The following TMEM18 variants were observed in gnomAD, a reference collection of about 807,000 sequenced individuals.
TMEM18 encodes transmembrane protein 18.
In TMEM18, 14 loss-of-function variants were observed where a neutral mutation model predicts 17.4. The ratio of observed to expected loss-of-function variants is 0.80; its 90% CI spans 0.53 to 1.25. The LOEUF is 1.25. Among genes scored for constraint, TMEM18 ranks in the 50% most tolerant of loss-of-function variants. The pLI is 0.00. For synonymous variants in TMEM18, 86 were observed against 66.1 expected, an observed-to-expected ratio of 1.30 and a Z score of -1.46; for missense variants, 187 against 172.1, an observed-to-expected ratio of 1.09 and a Z score of -0.48.
chr2:665,013 C>T lies in TMEM18; in HGVS notation c.*4567G>A, dbSNP rs1678641521. 6.6e-6 allele frequency among the ~76,000 whole-genome samples: 1 copy of T among 152,172 alleles called. No individual in the cohort carries two copies. The highest frequency in any genetic ancestry group is 2.4e-5 in the African/African-American group (1 of 41,434). ...ACAGAAAAAAGGGGCAGCAAATTGA[C>T]ACTTAACAATTTTCTCCTGTTCCAA... On this transcript the variant is annotated 3_prime_UTR_variant, in exon 5 of 5. Transcript: ENST00000281017.
chr2:667,358 G>T lies in TMEM18; in HGVS notation c.*2222C>A, dbSNP rs1678722358. On this transcript the variant is annotated 3_prime_UTR_variant, in exon 5 of 5. Coordinates refer to ENST00000281017, the MANE Select transcript of TMEM18 (RefSeq NM_152834.4). ...CATATTATTAAAGATGTATTTTATT[G>T]CATAGCAATCGATAAACGTAAGGTG... 6.6e-6 allele frequency: 1 copy of T among 151,952 alleles called. No homozygotes were observed. The highest frequency in any genetic ancestry group is 2.4e-5 in the African/African-American group (1 of 41,348). The allele number at this position is 151,952 out of a possible 1,614,324, so 9.4% of individuals were successfully genotyped here.
At chr2:670,602 G>A (rs1678815938) in intron 3 of TMEM18, 2 of 152,512 alleles carry the variant, frequency 1.3e-5, no homozygotes, top group Non-Finnish European at 1.5e-5. Context: ...CATGAGCATG[G>A]GGCTCCCGCC....
rs908983637 is a variant in TMEM18, at chr2:666,394, A to G, written c.*3186T>C. Among the ~76,000 whole-genome samples, 3 of 152,116 alleles carry G rather than the reference A, an allele frequency of 2.0e-5. No individual in the cohort carries two copies. The highest frequency in any genetic ancestry group is 4.4e-5 in the Non-Finnish European group (3 of 68,000). ...AATTTCTAATGACAGCATGATTCGG[A>G]GACTATAATAGCTACACCTTCCCCC... On this transcript the variant is annotated 3_prime_UTR_variant, in exon 5 of 5. Transcript: ENST00000281017.
chr2:669,736 C>A, intron 4 of TMEM18, 21 bp downstream of exon 4: 2 of 1,613,976 alleles, frequency 1.2e-6, no homozygotes, highest in Non-Finnish European at 1.7e-6. Context: ...AGAAAGACAA[C>A]TGAAAGTGTC....
chr2:665,195 C>T lies in TMEM18; in HGVS notation c.*4385G>A, dbSNP rs1389612246. ...GATGGAGCATCACTCCCACATACAA[C>T]AGAACCCAGAGATGCAGATGCCCCA... On this transcript the variant is annotated 3_prime_UTR_variant, in exon 5 of 5. Coordinates refer to ENST00000281017, the MANE Select transcript of TMEM18 (RefSeq NM_152834.4). 1.3e-5 allele frequency among the ~76,000 whole-genome samples: 2 copies of T among 152,052 alleles called. No homozygotes were observed. Among genetic ancestry groups the T allele is most frequent in the African/African-American group, 4.8e-5 (2 of 41,380 alleles).
intron 1 of TMEM18, chr2:676,482 T>TGG: frequency 1.1e-6 from 1 of 923,556 alleles, no homozygotes; most frequent in Non-Finnish European, 1.5e-6. Context: ...AACTCCTGTG[T>TGG]CACTACTCTC....
rs1678638128 is a variant in TMEM18 at position 664,897 on chromosome 2, T to A, written c.*4683A>T. 6.6e-6 allele frequency among the ~76,000 whole-genome samples: 1 copy of A among 152,182 alleles called. No homozygotes were observed. Among genetic ancestry groups the A allele is most frequent in the African/African-American group, 2.4e-5 (1 of 41,444 alleles). ...GTAAATTCAGCCTATACCCCTACAA[T>A]GTGTTTACTATGCAGGCATTGAAAA... On this transcript the variant is annotated 3_prime_UTR_variant, in exon 5 of 5. Transcript: ENST00000281017.
Position 666,253 on chromosome 2 carries a change from G to A in TMEM18, c.*3327C>T, listed in dbSNP as rs1400086569. Among the ~76,000 whole-genome samples the A allele has an allele frequency of 6.6e-6, 1 of 152,222 alleles. No individual in the cohort carries two copies. ...TACAGAGCAGACCCTATGGCCACAT[G>A]CTTGGACTTAGGCCTCTGCTTGGCT... On this transcript the variant is annotated 3_prime_UTR_variant, in exon 5 of 5. Transcript: ENST00000281017.
rs1387190850 is a variant in TMEM18, at chr2:676,758, G to T, written c.57+531C>A. ...TCCTCCGTGCCACCCCACACGATCA[G>T]GCTCCACCACGCACGCCCCGCCGCA... On this transcript the variant is annotated intron_variant, in intron 1 of 4. Transcript: ENST00000281017. 6.0e-6 allele frequency: 6 copies of T among 992,824 alleles called. No individual in the cohort carries two copies. The East Asian group carries it at 1.6e-4, about 26-fold the overall frequency. The allele number at this position is 992,824 out of a possible 1,614,324, so 61.5% of individuals were successfully genotyped here. A position where few individuals can be genotyped will look rare whatever the true frequency, so the allele number is the denominator to read the frequency against.
In TMEM18 at chr2:667,376, G is replaced by T. The variant is rs189156551; in HGVS notation, c.*2204C>A. 1 of 152,042 alleles carries T rather than the reference G, an allele frequency of 6.6e-6. No individual in the cohort carries two copies. The highest frequency in any genetic ancestry group is 1.5e-5 in the Non-Finnish European group (1 of 68,000). 9.4% of individuals were successfully genotyped at this position (152,042 alleles called of 1,614,324 possible). A position where few individuals can be genotyped will look rare whatever the true frequency, so the allele number is the denominator to read the frequency against. ...TTTTATTGCATAGCAATCGATAAAC[G>T]TAAGGTGTCACAGGTTTGGAATGTG... On this transcript the variant is annotated 3_prime_UTR_variant, in exon 5 of 5. Coordinates refer to ENST00000281017, the MANE Select transcript of TMEM18 (RefSeq NM_152834.4).
At position 665,890 on chromosome 2, in the gene TMEM18, A is replaced by G. The variant is rs1381711415; in HGVS notation, c.*3690T>C. 6.6e-6 allele frequency among the ~76,000 whole-genome samples: 1 copy of G among 152,084 alleles called. No homozygotes were observed. Among genetic ancestry groups the G allele is most frequent in the Non-Finnish European group, 1.5e-5 (1 of 68,014 alleles). On this transcript the variant is annotated 3_prime_UTR_variant, in exon 5 of 5. Coordinates refer to ENST00000281017, the MANE Select transcript of TMEM18 (RefSeq NM_152834.4). ...AGATGGAGCATCAACCCCACACACA[A>G]CAGGACTCATGGAGGCAGTCACCCA...
chr2:671,896 G>A (rs575566219), intron 3 of TMEM18, among the ~76,000 whole-genome samples: 5 of 152,282 alleles, frequency 3.3e-5, no homozygotes, highest in Admixed American at 1.3e-4. Context: ...CCAGTGAGCC[G>A]CTTATGGCTA....
chr2:665,239 C>T lies in TMEM18; in HGVS notation c.*4341G>A, dbSNP rs1347009176. Among the ~76,000 whole-genome samples the T allele has an allele frequency of 6.6e-6, 1 of 152,002 alleles. No homozygotes were observed. Among genetic ancestry groups the T allele is most frequent in the Non-Finnish European group, 1.5e-5 (1 of 67,990 alleles). On this transcript the variant is annotated 3_prime_UTR_variant, in exon 5 of 5. Transcript: ENST00000281017. Reference sequence around the variant, plus strand: ...TGCCCCACTCACTCCGATAGAGAATCAACCCCATATACAACAGGATCCAGA... The same window carrying T: ...TGCCCCACTCACTCCGATAGAGAATTAACCCCATATACAACAGGATCCAGA...
chr2:674,139 G>A (rs755445571), intron 2 of TMEM18, among the ~76,000 whole-genome samples: 36 of 152,214 alleles, frequency 2.4e-4, no homozygotes, highest in Non-Finnish European at 4.7e-4. Context: ...CACAGGAAAT[G>A]TAATGGCAGG....
At chr2:677,146 C>T in intron 1 of TMEM18, 143 bp downstream of exon 1, 1 of 1,078,066 alleles carries the variant, frequency 9.3e-7, no homozygotes, top group Non-Finnish European at 1.4e-6. Context: ...GGTCTCAGGA[C>T]CCTGCCCAGC....
At chr2:676,754 ATCAGGCTCCACCACGCACGCCCCGCCGC>A in intron 1 of TMEM18, 7 of 1,024,234 alleles carry the variant, frequency 6.8e-6, no homozygotes, top group Non-Finnish European at 9.9e-6. Flanking sequence ...ACCCCACACG[ATCAGGCTCCACCACGCACGCCCCGCCGC>A]ACTGCCAGAA....
chr2:676,842 G>A (rs901492845), intron 1 of TMEM18: 3 of 610,154 alleles, frequency 4.9e-6, no homozygotes, highest in Non-Finnish European at 2.9e-6. Context: ...ACTGGCCGGC[G>A]TGCACCTCCC....
Position 667,409 on chromosome 2 carries a change from A to T in TMEM18, c.*2171T>A, listed in dbSNP as rs975774972. On this transcript the variant is annotated 3_prime_UTR_variant, in exon 5 of 5. Transcript: ENST00000281017. ...TCACAGGTTTGGAATGTGAAAAATA[A>T]TTTTGATCCCAAACCTCCTTTCCTG... The T allele has an allele frequency of 3.9e-5, 6 of 152,226 alleles. No individual in the cohort carries two copies. The highest frequency in any genetic ancestry group is 5.9e-5 in the Non-Finnish European group (4 of 68,040). The allele number at this position is 152,226 out of a possible 1,614,324, so 9.4% of individuals were successfully genotyped here. A position where few individuals can be genotyped will look rare whatever the true frequency, so the allele number is the denominator to read the frequency against.
chr2:673,861 G>A (rs1454593734), intron 2 of TMEM18, among the ~76,000 whole-genome samples: 1 of 151,762 alleles, frequency 6.6e-6, no homozygotes, highest in African/African-American at 2.4e-5. Flanking sequence ...TGGTGGGCAT[G>A]GGTGCGGGGA....
Sources: allele counts gnomAD v4.1 joint callset (sites outside exome capture counted in the v4.1 genomes callset), GRCh38; gene constraint gnomAD v4.1.1; transcripts MANE v1.5; gene names NCBI Gene and HGNC (gene_info 2026-07-23, HGNC 2026-07-21).